The following ANKRD36C variants were observed in gnomAD, a reference collection of about 807,000 sequenced individuals.
The protein encoded by ANKRD36C is ankyrin repeat domain 36C, also known as ankyrin repeat domain-containing protein 36C.
ANKRD36C carries 61 observed loss-of-function variants against 276.4 expected under a neutral mutation model. The observed-to-expected ratio is 0.22, with a 90% confidence interval of 0.18 to 0.27. ANKRD36C has a LOEUF of 0.27. Ranked by LOEUF, ANKRD36C falls within the 10% of genes least tolerant of loss-of-function variation. ANKRD36C has a pLI of 1.00. For missense variants in ANKRD36C, 1,447 were observed against 2,032.3 expected, an observed-to-expected ratio of 0.71 and a Z score of 5.54; for synonymous variants, 483 against 680.1, an observed-to-expected ratio of 0.71 and a Z score of 4.51.
At position 95,958,741 on chromosome 2, in the gene ANKRD36C, A is replaced by G; in HGVS notation, c.1032+16T>C. 6.5e-7 allele frequency: 1 copy of G among 1,534,242 alleles called. No individual in the cohort carries two copies. Among genetic ancestry groups the G allele is most frequent in the Non-Finnish European group, 8.7e-7 (1 of 1,145,302 alleles). ...TATACAGTTAATTATTCAAAATATG[A>G]ATGAGAGTATAATACCTTCAAGGCC... On this transcript the variant is annotated intron_variant, in intron 11 of 66. Transcript: ENST00000456556.
chr2:95,889,696 T>G (rs202097345), intron 48 of ANKRD36C, 103 bp downstream of exon 68: 11 of 1,424,472 alleles, frequency 7.7e-6, no homozygotes, highest in East Asian at 2.5e-5. Context: ...GAATACTGAA[T>G]CAGAACATGA....
chr2:95,911,251 C>T (rs1454650693), intron 42 of ANKRD36C, among the ~76,000 whole-genome samples: 1 of 151,384 alleles, frequency 6.6e-6, no homozygotes, highest in Admixed American at 6.6e-5. Context: ...ATATATTAGC[C>T]TCAATAAAAA....
intron 48 of ANKRD36C, among the ~76,000 whole-genome samples, chr2:95,888,594 A>C (rs1676258053): frequency 6.6e-6 from 1 of 151,766 alleles, no homozygotes; most frequent in African/African-American, 2.4e-5. Context: ...ATGATATTAC[A>C]GTTGAATGTA....
chr2:95,918,077 G>A lies in ANKRD36C; in HGVS notation c.2246-35C>T, dbSNP rs547870349. 2.2e-4 allele frequency: 356 copies of A among 1,590,706 alleles called. 5 individuals are homozygous for A. Among genetic ancestry groups the A allele is most frequent in the South Asian group, 2.0e-3 (181 of 90,318 alleles). The stretch of plus-strand genomic sequence containing the variant: ...AAAAGGGATACATAATCACTCATGT[G>A]TAAATATGATAAAGTTATCCATACA... On this transcript the variant is annotated intron_variant, in intron 34 of 66. Coordinates refer to ENST00000456556, the Ensembl canonical transcript of ANKRD36C.
intron 22 of ANKRD36C, among the ~76,000 whole-genome samples, chr2:95,936,342 TATA>T (rs1677713944): frequency 6.6e-6 from 1 of 152,200 alleles, no homozygotes; most frequent in African/African-American, 2.4e-5. Flanking sequence ...AAACTTAAAG[TATA>T]ATAATAATAA....
chr2:95,941,241 T>G (rs1328249003), intron 19 of ANKRD36C, 42 bp from the exon 20 acceptor site: 1 of 1,454,620 alleles, frequency 6.9e-7, no homozygotes, highest in South Asian at 1.5e-5. Flanking sequence ...AAATGTTATA[T>G]TTACTACTCA....
At chr2:95,882,609 A>C in intron 54 of ANKRD36C, 112 bp from the exon 75 acceptor site, 1 of 1,312,728 alleles carries the variant, frequency 7.6e-7, no homozygotes, top group Non-Finnish European at 1.0e-6. Flanking sequence ...CTAGTGTAGG[A>C]TTTGATGTTT....
exon 63 of ANKRD36C, chr2:95,855,485 C>T: frequency 6.2e-7 from 1 of 1,611,848 alleles, no homozygotes; most frequent in Non-Finnish European, 8.5e-7. Context: ...GCTGTTGAAG[C>T]AACATATTTT....
chr2:95,891,785 T>C (rs763047227), intron 45 of ANKRD36C, 47 bp downstream of exon 65: 16 of 1,559,952 alleles, frequency 1.0e-5, no homozygotes, highest in Admixed American at 7.6e-5. Flanking sequence ...GTATGTTTCA[T>C]AGACTATACA....
chr2:95,964,124 G>A (rs1678537807), intron 6 of ANKRD36C, among the ~76,000 whole-genome samples: 2 of 145,898 alleles, frequency 1.4e-5, no homozygotes, highest in South Asian at 4.4e-4. Context: ...ATATACCATA[G>A]GGGTCTCTCA....
intron 1 of ANKRD36C, among the ~76,000 whole-genome samples, chr2:95,987,638 G>T (rs1479138345): frequency 1.0e-4 from 12 of 115,542 alleles, no homozygotes; most frequent in Non-Finnish European, 1.6e-4. Context: ...TTTTTGAGAC[G>T]GAGTCTCGCT....
intron 36 of ANKRD36C, 89 bp downstream of exon 38, chr2:95,917,766 C>G: frequency 2.0e-6 from 3 of 1,488,908 alleles, no homozygotes; most frequent in Non-Finnish European, 2.7e-6. Context: ...GGCGAGCACC[C>G]CCAACCGCCC....
rs1310401994 is a variant in ANKRD36C at position 95,855,432 on chromosome 2, G to T, written c.4829C>A (p.Ala1610Glu). 13 of 1,612,804 alleles carry T rather than the reference G, an allele frequency of 8.1e-6. No homozygotes were observed. In the Admixed American group the frequency reaches 1.7e-4, roughly 21 times the overall value. The change falls in exon 63 of 67, where the codon GCA becomes GAA. Residue 1610 changes from alanine to glutamate, a missense_variant. This residue lies in a region of ANKRD36C where 437 missense variants were observed against 641.0 expected (regional missense o/e 0.68). Transcript: ENST00000456556. ...ACATCTGGCTTGAATATTAAGTATTGCTTTTTCTTGATTGTCAGCTTTGTT... is the reference window on the plus strand; with the variant it reads ...ACATCTGGCTTGAATATTAAGTATTTCTTTTTCTTGATTGTCAGCTTTGTT...
rs201540310 is a variant in ANKRD36C at position 95,902,934 on chromosome 2, G to C, written c.2654-3598C>G. ...TTTTTTCCTCTGGCTATATTCAAAA[G>C]AGAATCTTTCTCGTCTCTTGTAGCC... is the stretch of plus-strand genomic sequence containing the variant. On this transcript the variant is annotated intron_variant, in intron 42 of 66. Transcript: ENST00000456556. 1.6e-3 allele frequency: 2,600 copies of C among 1,589,942 alleles called. 39 individuals are homozygous for C. Among genetic ancestry groups the C allele is most frequent in the Non-Finnish European group, 2.1e-3 (2,427 of 1,166,306 alleles).
chr2:95,849,232 G>A (rs1675235708), downstream of ANKRD36C, among the ~76,000 whole-genome samples: 2 of 152,032 alleles, frequency 1.3e-5, no homozygotes, highest in Non-Finnish European at 2.9e-5. Context: ...GCTAATTTTT[G>A]TGTTTTTAGT....
intron 19 of ANKRD36C, among the ~76,000 whole-genome samples, chr2:95,941,613 G>A (rs1036444888): frequency 1.3e-5 from 2 of 152,236 alleles, no homozygotes; most frequent in African/African-American, 4.8e-5. Flanking sequence ...CCACAATAAC[G>A]TGGTAAAACT....
chr2:95,979,755 C>A (rs1438263183), intron 5 of ANKRD36C, among the ~76,000 whole-genome samples: 1 of 151,864 alleles, frequency 6.6e-6, no homozygotes. Context: ...ACTATCCCAA[C>A]TAATATTTGC....
At chr2:95,970,829 G>A (rs1678682700) in intron 6 of ANKRD36C, among the ~76,000 whole-genome samples, 1 of 152,136 alleles carries the variant, frequency 6.6e-6, no homozygotes, top group Non-Finnish European at 1.5e-5. Context: ...ACAACCTCTT[G>A]AGATTGTCCC....
intron 61 of ANKRD36C, among the ~76,000 whole-genome samples, chr2:95,859,284 G>A (rs142808914): frequency 4.3e-4 from 65 of 152,014 alleles, no homozygotes; most frequent in African/African-American, 1.4e-3. Context: ...TGCCCACCTC[G>A]GCCTACCAAA....
Sources: allele counts gnomAD v4.1 joint callset (sites outside exome capture counted in the v4.1 genomes callset), GRCh38; gene constraint gnomAD v4.1.1; regional missense constraint gnomAD v4.1.1; transcripts MANE v1.5; gene names NCBI Gene and HGNC (gene_info 2026-07-23, HGNC 2026-07-21).